LNX1: variants seen among roughly 807,000 people sequenced by gnomAD.
The protein encoded by LNX1 is ligand of numb-protein X 1, also known as E3 ubiquitin-protein ligase LNX.
A neutral mutation model predicts 68.4 loss-of-function variants in LNX1; 54 were observed. That is an observed-to-expected ratio of 0.79 (90% CI 0.63 to 0.99). LNX1 has a LOEUF of 0.99. Ranked by LOEUF, LNX1 falls within the 50% of genes least tolerant of loss-of-function variation. The probability of loss-of-function intolerance (pLI) is 0.00; values close to 1 mark genes in which losing one functional copy is unlikely to be tolerated. For missense variants in LNX1, 906 were observed against 926.4 expected, an observed-to-expected ratio of 0.98 and a Z score of 0.29; for synonymous variants, 336 against 350.0, an observed-to-expected ratio of 0.96 and a Z score of 0.45.
At chr4:53,584,160 G>T (rs1217855545) in intron 1 of LNX1, among the ~76,000 whole-genome samples, 2 of 151,676 alleles carry the variant, frequency 1.3e-5, no homozygotes, top group African/African-American at 2.4e-5. Flanking sequence ...TTCTGTTGTT[G>T]TTGTTTTTTT....
At chr4:53,566,591 T>G (rs1730709772) in intron 2 of LNX1, among the ~76,000 whole-genome samples, 1 of 151,184 alleles carries the variant, frequency 6.6e-6, no homozygotes, top group Non-Finnish European at 1.5e-5. Flanking sequence ...CTGCATCAAC[T>G]AACGAGCAAA....
chr4:53,538,522 A>G (rs1728535512), intron 2 of LNX1, among the ~76,000 whole-genome samples: 1 of 152,120 alleles, frequency 6.6e-6, no homozygotes, highest in African/African-American at 2.4e-5. Flanking sequence ...CCACTCCATT[A>G]CTCTTCAGGT....
At chr4:53,568,534 A>T (rs1330765219) in intron 2 of LNX1, among the ~76,000 whole-genome samples, 1 of 150,870 alleles carries the variant, frequency 6.6e-6, no homozygotes, top group African/African-American at 2.5e-5. Flanking sequence ...ACCTACAGCC[A>T]ATATCATACT....
intron 9 of LNX1, among the ~76,000 whole-genome samples, chr4:53,466,677 A>G (rs930708516): frequency 2.2e-4 from 34 of 152,244 alleles, no homozygotes; most frequent in Non-Finnish European, 1.3e-4. Flanking sequence ...CAAACAGCAC[A>G]CCAGGAGATT....
chr4:53,529,642 C>G (rs1317947763), intron 2 of LNX1, among the ~76,000 whole-genome samples: 12 of 152,114 alleles, frequency 7.9e-5, no homozygotes, highest in African/African-American at 2.2e-4. Flanking sequence ...TCTGACAGCT[C>G]CATGTACATT....
In LNX1 at chr4:53,507,975, A is replaced by G; in HGVS notation, c.622+11T>C. ...GGAGCCCATTCCCGGACAACCACCC[A>G]TTTGACTCACCCCTAGTTCGGTTGC... is the stretch of plus-strand genomic sequence containing the variant. On this transcript the variant is annotated intron_variant, in intron 3 of 10. Coordinates refer to ENST00000263925, the MANE Select transcript of LNX1 (RefSeq NM_001126328.3). 1 of 1,606,964 alleles carries G rather than the reference A, an allele frequency of 6.2e-7. No individual in the cohort carries two copies. The highest frequency in any genetic ancestry group is 8.5e-7 in the Non-Finnish European group (1 of 1,174,072).
intron 9 of LNX1, among the ~76,000 whole-genome samples, chr4:53,471,573 C>A (rs1200004198): frequency 3.9e-5 from 6 of 151,918 alleles, no homozygotes; most frequent in Non-Finnish European, 7.4e-5. Flanking sequence ...AATGGGAGAA[C>A]ATTTTTGCAA....
intron 1 of LNX1, among the ~76,000 whole-genome samples, chr4:53,638,301 CA>C (rs1447579296): frequency 1.3e-5 from 2 of 152,172 alleles, no homozygotes; most frequent in Non-Finnish European, 2.9e-5. Context: ...GCAGAACAGT[CA>C]ATTCTAGTTA....
At chr4:53,488,688 A>T (rs920146852) in intron 6 of LNX1, among the ~76,000 whole-genome samples, 1 of 152,202 alleles carries the variant, frequency 6.6e-6, no homozygotes, top group Non-Finnish European at 1.5e-5. Flanking sequence ...GGATTAATTG[A>T]AAGGTGACAA....
chr4:53,630,093 T>TG (rs764262471), intron 1 of LNX1, among the ~76,000 whole-genome samples: 429 of 149,572 alleles, frequency 2.9e-3, no homozygotes, highest in Non-Finnish European at 5.0e-3. Context: ...TAAAAAAAGG[T>TG]GGGGGGGGCA....
intron 2 of LNX1, chr4:53,558,170 A>T: frequency 7.3e-7 from 1 of 1,366,744 alleles, no homozygotes; most frequent in Non-Finnish European, 9.4e-7. Context: ...AGATGAGAGG[A>T]TGTAGGAACG....
chr4:53,514,913 C>T (rs1282050462), intron 2 of LNX1, among the ~76,000 whole-genome samples: 2 of 152,062 alleles, frequency 1.3e-5, no homozygotes, highest in African/African-American at 4.8e-5. Context: ...ACAAATTAGG[C>T]TAAACATTTT....
intron 6 of LNX1, among the ~76,000 whole-genome samples, chr4:53,494,185 TTCTTGTGGTAGTAAG>T (rs745936962): frequency 2.0e-5 from 3 of 152,188 alleles, no homozygotes; most frequent in Non-Finnish European, 4.4e-5. Context: ...CCCCATACCA[TTCTTGTGGTAGTAAG>T]TCTCACAAGA....
At chr4:53,650,155 G>A (rs1254660915) in intron 1 of LNX1, among the ~76,000 whole-genome samples, 4 of 152,180 alleles carry the variant, frequency 2.6e-5, no homozygotes, top group Non-Finnish European at 5.9e-5. Flanking sequence ...CCTGTATGGA[G>A]GAGACAGCTT....
intron 2 of LNX1, among the ~76,000 whole-genome samples, chr4:53,557,375 A>T (rs1560664317): frequency 6.6e-6 from 1 of 152,202 alleles, no homozygotes; most frequent in Non-Finnish European, 1.5e-5. Flanking sequence ...TAGGTTTCAA[A>T]AGCATCAAAA....
chr4:53,532,754 C>A (rs957910464), intron 2 of LNX1, among the ~76,000 whole-genome samples: 3 of 152,218 alleles, frequency 2.0e-5, no homozygotes, highest in African/African-American at 7.2e-5. Context: ...TCAGACCATA[C>A]TTTGCTAGTG....
intron 1 of LNX1, among the ~76,000 whole-genome samples, chr4:53,636,179 C>CTTTTTTTTTTTTTTTTTTT (rs11440722): frequency 1.2e-5 from 1 of 85,226 alleles, no homozygotes; most frequent in Non-Finnish European, 2.1e-5. Context: ...TCTATTACTC[C>CTTTTTTTTTTTTTTTTTTT]TTTTTTTTTT....
intron 6 of LNX1, among the ~76,000 whole-genome samples, chr4:53,484,460 G>C (rs1391688878): frequency 6.6e-6 from 1 of 152,062 alleles, no homozygotes; most frequent in Middle Eastern, 3.2e-3. Flanking sequence ...CTACTCGGGA[G>C]GCTGCAGGAG....
chr4:53,534,581 G>A (rs1306922967), intron 2 of LNX1, among the ~76,000 whole-genome samples: 1 of 152,190 alleles, frequency 6.6e-6, no homozygotes, highest in African/African-American at 2.4e-5. Flanking sequence ...GTTTGGGGTT[G>A]CAAAGAGCTA....
Sources: allele counts gnomAD v4.1 joint callset (sites outside exome capture counted in the v4.1 genomes callset), GRCh38; gene constraint gnomAD v4.1.1; transcripts MANE v1.5; gene names NCBI Gene and HGNC (gene_info 2026-07-23, HGNC 2026-07-21).